PAXIP1: variants seen among roughly 807,000 people sequenced by gnomAD.
PAXIP1 encodes the protein PAX interacting protein 1, also known as PAX-interacting protein 1.
In PAXIP1, 19 loss-of-function variants were observed where a neutral mutation model predicts 140.6. The observed-to-expected ratio is 0.14, with a 90% CI of 0.09 to 0.20. The LOEUF is 0.20. PAXIP1 is among the 10% of genes least tolerant of loss of function. The pLI, the probability that PAXIP1 is intolerant of heterozygous loss-of-function variation, is 1.00. For missense variants in PAXIP1, 920 were observed against 1,208.6 expected (o/e 0.76, Z 3.54); for synonymous variants, 442 against 444.6 (o/e 0.99, Z 0.07).
At chr7:154,985,575 T>A (rs1810032984) in intron 4 of PAXIP1, among the ~76,000 whole-genome samples, 1 of 152,142 alleles carries the variant, frequency 6.6e-6, no homozygotes, top group African/African-American at 2.4e-5. Context: ...TCTAAATACT[T>A]CTCACACTCT....
At chr7:154,992,461 C>T (rs1398453637) in intron 3 of PAXIP1, among the ~76,000 whole-genome samples, 3 of 151,966 alleles carry the variant, frequency 2.0e-5, no homozygotes, top group South Asian at 4.1e-4. Context: ...GCAAGAGAAT[C>T]GCTTGAACCC....
intron 20 of PAXIP1, chr7:154,945,044 A>T (rs1807884529): frequency 6.8e-6 from 1 of 147,172 alleles, no homozygotes; most frequent in Admixed American, 6.9e-5. Context: ...CTGTAGTGCA[A>T]TGGCGCGATA....
chr7:154,977,006 C>T (rs1388718753), intron 5 of PAXIP1, among the ~76,000 whole-genome samples: 2 of 152,202 alleles, frequency 1.3e-5, no homozygotes, highest in African/African-American at 4.8e-5. Flanking sequence ...ATCTCATCAA[C>T]ATAAGCTGGA....
At chr7:154,991,525 T>C (rs1470076998) in intron 3 of PAXIP1, among the ~76,000 whole-genome samples, 1 of 152,226 alleles carries the variant, frequency 6.6e-6, no homozygotes, top group African/African-American at 2.4e-5. Flanking sequence ...AAGAGCTTGA[T>C]TGAGCTCTAG....
chr7:154,955,779 G>C (rs1038826793), intron 14 of PAXIP1, 148 bp from the exon 15 acceptor site: 9 of 521,364 alleles, frequency 1.7e-5, no homozygotes, highest in Non-Finnish European at 2.4e-5. Context: ...TGAGCTATCT[G>C]TCCTTCCTTT....
rs370734857 is a variant in PAXIP1 at position 154,954,475 on chromosome 7, C to T, written c.2653-52G>A. On this transcript the variant is annotated intron_variant, in intron 15 of 20. Coordinates refer to ENST00000404141, the MANE Select transcript of PAXIP1 (RefSeq NM_007349.4). The surrounding 1 kb of genome is among the most constrained non-coding windows in gnomAD (Gnocchi z 5.1). ...ATGAAAAAGTTCAGCATCCACAGAG[C>T]CACACTGACACAGAGTAACACAGAG... 1,315 of 1,283,918 alleles carry T rather than the reference C, an allele frequency of 1.0e-3. 1 individual carries two copies. The highest frequency in any genetic ancestry group is 1.3e-3 in the Non-Finnish European group (1,271 of 954,766). 79.5% of individuals were successfully genotyped at this position (1,283,918 alleles called of 1,614,324 possible).
intron 3 of PAXIP1, 62 bp downstream of exon 3, chr7:154,993,664 T>C: frequency 1.6e-6 from 2 of 1,235,994 alleles, no homozygotes; most frequent in East Asian, 2.5e-5. Context: ...TAACTATCAT[T>C]TCTTTCAGTC....
In PAXIP1 at chr7:154,975,921, C is replaced by G; in HGVS notation, c.849G>C (p.Gln283His). ...AGTTAATCAACCCAGGCTCCTTTCC[C>G]TGAGGCAGCCTGCGTTTTGCTGCAG... ...QLAAAKRRLP[Q>H]GKEPGLINLC... Residue 283 changes from glutamine (Q) to histidine (H), a missense_variant, in exon 6 of 21, where the codon CAG becomes CAC. By Grantham distance (24) the Gln-to-His change is conservative. This residue lies in a region of PAXIP1 where 419 missense variants were observed against 514.7 expected (regional missense o/e 0.81). Coordinates refer to ENST00000404141, the MANE Select transcript of PAXIP1 (RefSeq NM_007349.4). The G allele has an allele frequency of 6.2e-7, 1 of 1,613,968 alleles. No homozygotes were observed. Among genetic ancestry groups the G allele is most frequent in the Admixed American group, 1.7e-5 (1 of 60,016 alleles).
At position 154,963,618 on chromosome 7, in the gene PAXIP1, T is replaced by C. The variant is rs1585050209; in HGVS notation, c.1989+53A>G. ...ATAATCACTAGCATTTAAGATTGCA[T>C]ATTAAAAATGCCAGACCTTGCTCCT... On this transcript the variant is annotated intron_variant, in intron 9 of 20. Coordinates refer to ENST00000404141, the MANE Select transcript of PAXIP1 (RefSeq NM_007349.4). The surrounding 1 kb of genome is among the most constrained non-coding windows in gnomAD (Gnocchi z 4.1). 2 of 1,168,358 alleles carry C rather than the reference T, an allele frequency of 1.7e-6. No homozygotes were observed. Among genetic ancestry groups the C allele is most frequent in the Non-Finnish European group, 2.5e-6 (2 of 791,882 alleles). The allele number at this position is 1,168,358 out of a possible 1,614,324, so 72.4% of individuals were successfully genotyped here.
Position 154,943,774 on chromosome 7 carries a change from G to T in PAXIP1, c.*375C>A, listed in dbSNP as rs1807799491. On this transcript the variant is annotated 3_prime_UTR_variant, in exon 21 of 21. Coordinates refer to ENST00000404141, the MANE Select transcript of PAXIP1 (RefSeq NM_007349.4). ...AGTATAAGAAATAAAAATAATCAAAGTACAAAACATTTCAAATCTTTAACA... is the reference window on the plus strand; with the variant it reads ...AGTATAAGAAATAAAAATAATCAAATTACAAAACATTTCAAATCTTTAACA... The T allele has an allele frequency of 4.9e-6, 1 of 202,958 alleles. No homozygotes were observed. Among genetic ancestry groups the T allele is most frequent in the South Asian group, 8.1e-5 (1 of 12,332 alleles). The allele number at this position is 202,958 out of a possible 1,614,324, so 12.6% of individuals were successfully genotyped here. A position where few individuals can be genotyped will look rare whatever the true frequency, so the allele number is the denominator to read the frequency against.
intron 6 of PAXIP1, chr7:154,974,657 C>T (rs1375279152): frequency 2.0e-5 from 3 of 152,016 alleles, no homozygotes; most frequent in African/African-American, 7.3e-5. Context: ...ATTACGGGAC[C>T]CTGATTATTT....
intron 4 of PAXIP1, among the ~76,000 whole-genome samples, chr7:154,984,723 T>C (rs1282594519): frequency 2.6e-5 from 4 of 152,300 alleles, no homozygotes; most frequent in East Asian, 1.9e-4. Context: ...CATTGGAGAG[T>C]TGAGATTTAA....
rs558213777 is a variant in PAXIP1, at chr7:154,993,132, G to A, written c.260+594C>T. Among the ~76,000 whole-genome samples the A allele has an allele frequency of 7.9e-5, 12 of 152,290 alleles. No homozygotes were observed. The East Asian group carries it at 2.3e-3, about 29-fold the overall frequency. ...GCCACCAGGCCTAGAAGAGTAAACA[G>A]GAGGCCTGTAGAACGCCTCATTTCT... On this transcript the variant is annotated intron_variant, in intron 3 of 20. Coordinates refer to ENST00000404141, the MANE Select transcript of PAXIP1 (RefSeq NM_007349.4).
chr7:154,975,670 C>G, intron 6 of PAXIP1, 26 bp downstream of exon 6: 1 of 1,485,528 alleles, frequency 6.7e-7, no homozygotes, highest in Non-Finnish European at 9.3e-7. Flanking sequence ...CCAATACTGA[C>G]ATTTTTTTCG....
intron 5 of PAXIP1, among the ~76,000 whole-genome samples, chr7:154,976,595 T>C (rs895445182): frequency 4.6e-5 from 7 of 152,224 alleles, no homozygotes; most frequent in Admixed American, 2.0e-4. Flanking sequence ...AATTAACTTT[T>C]TAAAATGATA....
intron 8 of PAXIP1, chr7:154,964,575 A>C (rs1307202782): frequency 6.6e-6 from 1 of 152,246 alleles, no homozygotes; most frequent in Non-Finnish European, 1.5e-5. Flanking sequence ...CCCCTGAAGC[A>C]CATTTAGCAC....
At chr7:154,996,511 G>A (rs1810621538) in intron 2 of PAXIP1, among the ~76,000 whole-genome samples, 2 of 152,108 alleles carry the variant, frequency 1.3e-5, no homozygotes, top group South Asian at 4.2e-4. Context: ...GACTTTCCCA[G>A]GAATATGAAT....
intron 8 of PAXIP1, among the ~76,000 whole-genome samples, chr7:154,966,114 G>C (rs374553086): frequency 1.3e-5 from 2 of 152,132 alleles, no homozygotes; most frequent in African/African-American, 2.4e-5. Context: ...AAGAATATAA[G>C]GGAGGTACAT....
At chr7:154,957,316 C>T in intron 13 of PAXIP1, 22 bp from the exon 14 acceptor site, 1 of 1,406,032 alleles carries the variant, frequency 7.1e-7, no homozygotes, top group Non-Finnish European at 9.9e-7. Context: ...ATATTGTCGA[C>T]TTTAATTCAA....
Sources: gnomAD v4.1 joint callset for allele counts (sites outside exome capture counted in the v4.1 genomes callset) on GRCh38, gnomAD v4.1.1 for gene constraint, gnomAD v4.1.1 regional missense constraint, Gnocchi (gnomAD v3.1) non-coding constraint, MANE v1.5 for transcripts, NCBI Gene and HGNC (gene_info 2026-07-23, HGNC 2026-07-21) for gene names.